The following DIS3L variants were observed in gnomAD, a reference collection of about 807,000 sequenced individuals.
The protein encoded by DIS3L is DIS3 like exosome 3'-5' exoribonuclease, also known as DIS3-like exonuclease 1.
A neutral mutation model predicts 120.3 loss-of-function variants in DIS3L; 100 were observed. That is an observed-to-expected ratio of 0.83 (90% CI 0.71 to 0.98). DIS3L has a LOEUF of 0.98. Ranked by LOEUF, DIS3L falls within the 50% of genes least tolerant of loss-of-function variation. The probability of loss-of-function intolerance (pLI) is 0.00; values close to 1 mark genes in which losing one functional copy is unlikely to be tolerated. For synonymous variants in DIS3L, 426 were observed against 470.6 expected (o/e 0.91, Z 1.23); for missense variants, 1,196 against 1,314.2 (o/e 0.91, Z 1.39).
chr15:66,312,007 G>A, intron 5 of DIS3L, 107 bp downstream of exon 5: 1 of 1,313,374 alleles, frequency 7.6e-7, no homozygotes, highest in African/African-American at 1.5e-5. Context: ...AGGAGCTGGA[G>A]ACCAGACTGG....
At chr15:66,327,681 T>A (rs187267187) in intron 12 of DIS3L, among the ~76,000 whole-genome samples, 2 of 151,874 alleles carry the variant, frequency 1.3e-5, no homozygotes, top group East Asian at 3.9e-4. Flanking sequence ...GAGGCGGAGG[T>A]TGCAGTGACC....
intron 2 of DIS3L, among the ~76,000 whole-genome samples, chr15:66,296,307 T>C (rs1180129837): frequency 1.3e-5 from 2 of 152,142 alleles, no homozygotes; most frequent in Non-Finnish European, 2.9e-5. Context: ...TTAAACGTTT[T>C]TTTCTCCTGA....
chr15:66,323,213 G>C (rs868181593), intron 10 of DIS3L, among the ~76,000 whole-genome samples: 4 of 152,190 alleles, frequency 2.6e-5, no homozygotes, highest in Middle Eastern at 3.4e-3. Flanking sequence ...AAAAATACTG[G>C]ATCATTACAC....
intron 2 of DIS3L, among the ~76,000 whole-genome samples, chr15:66,296,512 CT>C (rs3082898): frequency 0.12 from 15,728 of 133,784 alleles, 830 homozygotes; most frequent in Middle Eastern, 0.22. Flanking sequence ...AAAAAGAAGT[CT>C]TTTTTTTTTT....
chr15:66,331,842 T>G lies in DIS3L; in HGVS notation c.2536-33T>G, dbSNP rs1339712896. 4 of 1,490,636 alleles carry G rather than the reference T, an allele frequency of 2.7e-6. No homozygotes were observed. The African/African-American group carries it at 5.6e-5, about 21-fold the overall frequency. 92.3% of individuals were successfully genotyped at this position (1,490,636 alleles called of 1,614,324 possible). A position where few individuals can be genotyped will look rare whatever the true frequency, so the allele number is the denominator to read the frequency against. On this transcript the variant is annotated intron_variant, in intron 14 of 16. Transcript: ENST00000319212. Reference sequence around the variant, plus strand: ...GTTTCTTTGGGGAATGCCAGGGGAGTGTTAAAATGCTTTGGAGTTGTGCTT... The same window carrying G: ...GTTTCTTTGGGGAATGCCAGGGGAGGGTTAAAATGCTTTGGAGTTGTGCTT...
At chr15:66,331,321 C>T (rs2092996397) in intron 14 of DIS3L, 1 of 152,042 alleles carries the variant, frequency 6.6e-6, no homozygotes, top group South Asian at 2.1e-4. Context: ...TTTGGGAGGC[C>T]GAGGCAGGCG....
At chr15:66,326,881 AT>A (rs1479569202) in intron 12 of DIS3L, among the ~76,000 whole-genome samples, 1 of 149,618 alleles carries the variant, frequency 6.7e-6, no homozygotes, top group Non-Finnish European at 1.5e-5. Context: ...CACACTGGAC[AT>A]TTAGGCATAA....
chr15:66,323,484 C>T lies in DIS3L; in HGVS notation c.1575-9C>T, dbSNP rs756655941. 3 of 1,614,002 alleles carry T rather than the reference C, an allele frequency of 1.9e-6. No individual in the cohort carries two copies. In the East Asian group the frequency reaches 6.7e-5, roughly 36 times the overall value. On this transcript the variant is annotated splice_polypyrimidine_tract_variant and intron_variant, in intron 10 of 16. Transcript: ENST00000319212. ...AAAGGTCGCGTTGCCGCGTGTGTGT[C>T]ATTCACAGGGCCACCACTTATTATC...
rs367709961 is a variant in DIS3L at position 66,306,919 on chromosome 15, A to T, written c.389A>T (p.Glu130Val). 3.2e-5 allele frequency: 52 copies of T among 1,613,864 alleles called. No individual in the cohort carries two copies. Among genetic ancestry groups the T allele is most frequent in the Non-Finnish European group, 8.5e-6 (10 of 1,179,914 alleles). Reference sequence around the variant, plus strand: ...CAGCAATGCTGCTATCTGCCACGGGAAAGAGGAGAGTCCATGGAGAAGTGG... The same window carrying T: ...CAGCAATGCTGCTATCTGCCACGGGTAAGAGGAGAGTCCATGGAGAAGTGG... The part of the protein sequence containing the change: ...EFQQCCYLPR[E>V]RGESMEKWQT... The change falls in exon 3 of 17, where the codon GAA becomes GTA. Residue 130 changes from glutamate (E) to valine (V), a missense_variant. By Grantham distance (121) the Glu-to-Val change is moderately radical (BLOSUM62 -2). Transcript: ENST00000319212.
intron 3 of DIS3L, among the ~76,000 whole-genome samples, chr15:66,308,261 C>G (rs2092720929): frequency 1.3e-5 from 2 of 152,162 alleles, no homozygotes; most frequent in Admixed American, 1.3e-4. Flanking sequence ...TGGAAGATTT[C>G]CAGGCATTCC....
chr15:66,294,232 C>T (rs968672660), intron 1 of DIS3L: 16 of 985,504 alleles, frequency 1.6e-5, no homozygotes, highest in Non-Finnish European at 1.8e-5. Context: ...AGAGCCACTT[C>T]ACCGTAGATT....
At chr15:66,328,197 G>A (rs576329533) in intron 12 of DIS3L, among the ~76,000 whole-genome samples, 1 of 152,266 alleles carries the variant, frequency 6.6e-6, no homozygotes, top group Admixed American at 6.5e-5. Flanking sequence ...TTAACAGTCA[G>A]GGCAGAGCCA....
At chr15:66,323,377 C>A in intron 10 of DIS3L, 116 bp from the exon 11 acceptor site, 3 of 970,544 alleles carry the variant, frequency 3.1e-6, no homozygotes, top group South Asian at 1.4e-5. Flanking sequence ...GAAACAGCAA[C>A]AGCCTTGGGG....
Position 66,323,496 on chromosome 15 carries a change from C to T in DIS3L, c.1578C>T (p.Ala526=), listed in dbSNP as rs757537645. ...GCCGCGTGTGTGTCATTCACAGGGC[C>T]ACCACTTATTATCTAGCAGATCGTC... ...SYIDIEARTR[A]TTYYLADRRY... The change falls in exon 11 of 17, where the codon GCC becomes GCT. Residue 526 remains alanine (A), a synonymous_variant. Coordinates refer to ENST00000319212, the MANE Select transcript of DIS3L (RefSeq NM_001143688.3). 3.1e-6 allele frequency: 5 copies of T among 1,614,076 alleles called. No individual in the cohort carries two copies. Among genetic ancestry groups the T allele is most frequent in the African/African-American group, 1.3e-5 (1 of 74,944 alleles).
rs967126928 is a variant in DIS3L at position 66,299,503 on chromosome 15, G to A, written c.293+4362G>A. On this transcript the variant is annotated intron_variant, in intron 2 of 16. Coordinates refer to ENST00000319212, the MANE Select transcript of DIS3L (RefSeq NM_001143688.3). ...GGAGGTTGCAGTGAGCCACGATCAC[G>A]CCGTTGCACTCCCGTCTGGGCAAAA... Among the ~76,000 whole-genome samples, 25 of 145,248 alleles carry A rather than the reference G, an allele frequency of 1.7e-4. 1 individual carries two copies. Among genetic ancestry groups the A allele is most frequent in the African/African-American group, 6.1e-4 (24 of 39,194 alleles).
chr15:66,313,071 C>T (rs1162849711), intron 5 of DIS3L, among the ~76,000 whole-genome samples: 3 of 152,272 alleles, frequency 2.0e-5, no homozygotes, highest in African/African-American at 7.2e-5. Context: ...TCTCGGCTCA[C>T]TGCAACCTCT....
At position 66,293,576 on chromosome 15, in the gene DIS3L, G is replaced by A. The variant is rs1206339071; in HGVS notation, c.-21G>A. ...CCTCCGCCGCGCCCGCCACTCCGCG[G>A]CCGCCGGGAGACACGCCGCCATGCT... On this transcript the variant is annotated 5_prime_UTR_variant, in exon 1 of 17. Transcript: ENST00000319212. 1 of 1,420,104 alleles carries A rather than the reference G, an allele frequency of 7.0e-7. No individual in the cohort carries two copies. The allele number at this position is 1,420,104 out of a possible 1,614,324, so 88.0% of individuals were successfully genotyped here.
intron 7 of DIS3L, among the ~76,000 whole-genome samples, chr15:66,315,567 G>A (rs2092809010): frequency 6.6e-6 from 1 of 151,984 alleles, no homozygotes; most frequent in South Asian, 2.1e-4. Flanking sequence ...TTCCTAACAC[G>A]AGATATAGTC....
At position 66,329,999 on chromosome 15, in the gene DIS3L, C is replaced by T. The variant is rs564325292; in HGVS notation, c.2535+600C>T. ...AATTAATGATTCTAGACACTGCTAACATTTTTATTTATAAAAATATCGGCC... is the reference window on the plus strand; with the variant it reads ...AATTAATGATTCTAGACACTGCTAATATTTTTATTTATAAAAATATCGGCC... On this transcript the variant is annotated intron_variant, in intron 14 of 16. Transcript: ENST00000319212. 23 of 985,164 alleles carry T rather than the reference C, an allele frequency of 2.3e-5. No homozygotes were observed. In the African/African-American group the frequency reaches 3.8e-4, roughly 16 times the overall value. The allele number at this position is 985,164 out of a possible 1,614,324, so 61.0% of individuals were successfully genotyped here.
Sources: gnomAD v4.1 joint callset for allele counts (sites outside exome capture counted in the v4.1 genomes callset) on GRCh38, gnomAD v4.1.1 for gene constraint, MANE v1.5 for transcripts, NCBI Gene and HGNC (gene_info 2026-07-23, HGNC 2026-07-21) for gene names.